The following NRG3 variants were observed in gnomAD, a reference collection of about 807,000 sequenced individuals.
The protein encoded by NRG3 is neuregulin 3.
NRG3 carries 31 observed loss-of-function variants against 66.9 expected under a neutral mutation model. That is an observed-to-expected ratio of 0.46 (90% CI 0.35 to 0.63). The LOEUF is 0.63. Among genes scored for constraint, NRG3 ranks in the 20% least tolerant of loss-of-function variants. The pLI is 0.00. For missense variants in NRG3, 910 were observed against 878.9 expected, an observed-to-expected ratio of 1.04 and a Z score of -0.45; for synonymous variants, 393 against 359.4, an observed-to-expected ratio of 1.09 and a Z score of -1.06.
At chr10:82,568,757 T>C (rs1367485998) in intron 2 of NRG3, among the ~76,000 whole-genome samples, 3 of 151,878 alleles carry the variant, frequency 2.0e-5, no homozygotes, top group African/African-American at 7.2e-5. Context: ...TTTACCTCCT[T>C]ATAACACGGA....
Position 82,373,396 on chromosome 10 carries a change from G to A in NRG3, c.953+14528G>A, listed in dbSNP as rs189166240. On this transcript the variant is annotated intron_variant, in intron 2 of 8. Transcript: ENST00000372141. The stretch of plus-strand genomic sequence containing the variant: ...AGATGGGATGCTTGGAGATGTGGAT[G>A]TGGAGAGACAAAGGCAATGCCAAGA... Among the ~76,000 whole-genome samples the A allele has an allele frequency of 4.6e-5, 7 of 152,364 alleles. No homozygotes were observed. In the East Asian group the frequency reaches 1.4e-3, roughly 29 times the overall value.
intron 1 of NRG3, among the ~76,000 whole-genome samples, chr10:82,229,909 T>G (rs2076369696): frequency 6.6e-6 from 1 of 152,104 alleles, no homozygotes; most frequent in South Asian, 2.1e-4. Flanking sequence ...TCAAAAAGCA[T>G]GTGAACAGTG....
intron 2 of NRG3, among the ~76,000 whole-genome samples, chr10:82,556,786 T>A (rs1442766270): frequency 6.6e-6 from 1 of 152,120 alleles, no homozygotes; most frequent in East Asian, 1.9e-4. Flanking sequence ...CTCCTCTCCC[T>A]CCTCCAAGCC....
chr10:82,790,659 CT>C (rs1013695200), intron 3 of NRG3, among the ~76,000 whole-genome samples: 2 of 152,100 alleles, frequency 1.3e-5, no homozygotes, highest in African/African-American at 4.8e-5. Context: ...TTCAAGTATT[CT>C]TTTTGCCTTA....
chr10:82,708,444 G>A (rs1247334797), intron 2 of NRG3, among the ~76,000 whole-genome samples: 1 of 152,112 alleles, frequency 6.6e-6, no homozygotes, highest in Non-Finnish European at 1.5e-5. Context: ...AGGTGGTTTT[G>A]TGATCCTCAC....
chr10:82,454,749 A>T (rs551174779), intron 2 of NRG3, among the ~76,000 whole-genome samples: 34 of 152,328 alleles, frequency 2.2e-4, no homozygotes, highest in Non-Finnish European at 2.9e-5. Flanking sequence ...GGGAGGGAAA[A>T]AGCTATTCAA....
chr10:82,744,762 C>A (rs1205560848), intron 3 of NRG3, among the ~76,000 whole-genome samples: 1 of 152,120 alleles, frequency 6.6e-6, no homozygotes, highest in Non-Finnish European at 1.5e-5. Context: ...CATTAATAAA[C>A]CCTGGCTTTC....
intron 1 of NRG3, among the ~76,000 whole-genome samples, chr10:82,281,193 T>A (rs1371230705): frequency 2.0e-5 from 3 of 152,180 alleles, no homozygotes; most frequent in African/African-American, 7.2e-5. Context: ...ATACTTGCAT[T>A]GCCGTAGTGT....
chr10:82,613,427 ATAAT>A (rs1037302006), intron 2 of NRG3, among the ~76,000 whole-genome samples: 8 of 151,468 alleles, frequency 5.3e-5, no homozygotes, highest in South Asian at 2.1e-4. Flanking sequence ...TTTAAAAAAA[ATAAT>A]TAATTAATTA....
At chr10:82,136,147 C>G (rs1017493134) in intron 1 of NRG3, among the ~76,000 whole-genome samples, 2 of 152,166 alleles carry the variant, frequency 1.3e-5, no homozygotes, top group African/African-American at 2.4e-5. Context: ...AGAGAATTCT[C>G]TGGATTACCA....
intron 2 of NRG3, among the ~76,000 whole-genome samples, chr10:82,471,641 T>C (rs1241382083): frequency 6.6e-6 from 1 of 152,188 alleles, no homozygotes; most frequent in Non-Finnish European, 1.5e-5. Context: ...CTGGGCACGG[T>C]GGCTCATGCC....
intron 1 of NRG3, among the ~76,000 whole-genome samples, chr10:81,936,787 G>A (rs992371727): frequency 6.6e-6 from 1 of 152,060 alleles, no homozygotes; most frequent in African/African-American, 2.4e-5. Flanking sequence ...GGCAGCATGA[G>A]GGTAGGGTCC....
At chr10:81,892,997 C>G (rs115325799) in intron 1 of NRG3, among the ~76,000 whole-genome samples, 1 of 152,062 alleles carries the variant, frequency 6.6e-6, no homozygotes, top group East Asian at 1.9e-4. Flanking sequence ...CTCTGAGCTG[C>G]GACAGTCAGT....
intron 1 of NRG3, among the ~76,000 whole-genome samples, chr10:82,323,215 T>C (rs149121282): frequency 6.6e-6 from 1 of 152,326 alleles, no homozygotes; most frequent in Non-Finnish European, 1.5e-5. Flanking sequence ...CAAACATGTG[T>C]ACACAATTGG....
At chr10:82,685,440 G>A (rs771038347) in intron 2 of NRG3, among the ~76,000 whole-genome samples, 2 of 152,168 alleles carry the variant, frequency 1.3e-5, no homozygotes, top group Non-Finnish European at 2.9e-5. Flanking sequence ...GCCTGACCAG[G>A]ACCTTAGGAA....
intron 1 of NRG3, among the ~76,000 whole-genome samples, chr10:82,312,136 A>G (rs1300688281): frequency 6.6e-6 from 1 of 152,050 alleles, no homozygotes; most frequent in Non-Finnish European, 1.5e-5. Flanking sequence ...CTACCTGAAT[A>G]CTCCTAAGCA....
At chr10:82,200,430 T>G (rs2074734924) in intron 1 of NRG3, among the ~76,000 whole-genome samples, 1 of 152,186 alleles carries the variant, frequency 6.6e-6, no homozygotes, top group African/African-American at 2.4e-5. Flanking sequence ...ATGCATATTT[T>G]TGTAATTAAC....
At chr10:82,681,276 T>A (rs2054094432) in intron 2 of NRG3, among the ~76,000 whole-genome samples, 1 of 152,238 alleles carries the variant, frequency 6.6e-6, no homozygotes, top group East Asian at 1.9e-4. Flanking sequence ...CAATTTACTA[T>A]ATTTTCTGAA....
intron 6 of NRG3, among the ~76,000 whole-genome samples, chr10:82,966,583 T>G (rs1204799806): frequency 6.6e-6 from 1 of 152,186 alleles, no homozygotes; most frequent in East Asian, 1.9e-4. Flanking sequence ...TCTCTCCTTT[T>G]GCATAGAATA....
Sources: gnomAD v4.1 joint callset for allele counts (sites outside exome capture counted in the v4.1 genomes callset) on GRCh38, gnomAD v4.1.1 for gene constraint, MANE v1.5 for transcripts, NCBI Gene and HGNC (gene_info 2026-07-23, HGNC 2026-07-21) for gene names.